ZNF654: variants seen among roughly 807,000 people sequenced by gnomAD.
ZNF654 encodes the protein melanoma-associated antigen.
A neutral mutation model predicts 95.3 loss-of-function variants in ZNF654; 19 were observed. The ratio of observed to expected loss-of-function variants is 0.20; its 90% CI spans 0.14 to 0.29. The LOEUF (loss-of-function observed/expected upper bound fraction) is 0.29. Among genes scored for constraint, ZNF654 ranks in the 10% least tolerant of loss-of-function variants. The pLI, the probability that ZNF654 is intolerant of heterozygous loss-of-function variation, is 1.00. For missense variants in ZNF654, 1,046 were observed against 1,341.0 expected (o/e 0.78, Z 3.44); for synonymous variants, 413 against 457.9 (o/e 0.90, Z 1.25).
intron 1 of ZNF654, among the ~76,000 whole-genome samples, chr3:88,085,430 T>C (rs1023699248): frequency 6.6e-6 from 1 of 152,204 alleles, no homozygotes; most frequent in African/African-American, 2.4e-5. Context: ...AAGTGATTTT[T>C]TTTCCAACCA....
chr3:88,134,963 C>T, intron 6 of ZNF654, 98 bp from the exon 7 acceptor site: 1 of 826,686 alleles, frequency 1.2e-6, no homozygotes, highest in Non-Finnish European at 1.7e-6. Context: ...CACTCATATA[C>T]ATCCCAGCCA....
At chr3:88,080,161 G>C (rs1576223342) in intron 1 of ZNF654, among the ~76,000 whole-genome samples, 2 of 152,048 alleles carry the variant, frequency 1.3e-5, no homozygotes. Context: ...TTGTTTGTCA[G>C]ATGAGCATCG....
intron 4 of ZNF654, among the ~76,000 whole-genome samples, chr3:88,127,274 C>CTAATA (rs903241087): frequency 1.3e-5 from 2 of 151,998 alleles, no homozygotes; most frequent in African/African-American, 4.8e-5. Flanking sequence ...TAGTCACAGG[C>CTAATA]TAAGGGGTTA....
intron 1 of ZNF654, among the ~76,000 whole-genome samples, chr3:88,061,296 G>A (rs1033404364): frequency 6.6e-6 from 1 of 152,062 alleles, no homozygotes; most frequent in African/African-American, 2.4e-5. Flanking sequence ...GACAAATTTA[G>A]CCTGCAAAAC....
intron 3 of ZNF654, among the ~76,000 whole-genome samples, chr3:88,114,344 G>A (rs1705265093): frequency 6.6e-6 from 1 of 152,150 alleles, no homozygotes; most frequent in East Asian, 1.9e-4. Flanking sequence ...CCACTGAAAT[G>A]TTTGGAGTAG....
chr3:88,129,454 G>A (rs560066141), intron 5 of ZNF654, among the ~76,000 whole-genome samples: 2 of 151,580 alleles, frequency 1.3e-5, no homozygotes, highest in Non-Finnish European at 2.9e-5. Context: ...AATATGGATC[G>A]TATGTACCTA....
Position 88,086,344 on chromosome 3 carries a change from A to G in ZNF654, c.274A>G (p.Ser92Gly). The G allele has an allele frequency of 6.5e-7, 1 of 1,535,528 alleles. No homozygotes were observed. The highest frequency in any genetic ancestry group is 1.2e-5 in the South Asian group (1 of 84,036). ...QTALCCFTTASASFPDECEHV... is the reference protein window; with the variant it reads ...QTALCCFTTAGASFPDECEHV... ...TGCCCTTTGTTGTTTTACAACAGCC[A>G]GTGCATCATTCCCAGATGAATGTGA... The change falls in exon 2 of 9, where the codon AGT becomes GGT. Residue 92 changes from serine to glycine, a missense_variant. Ser to Gly is a moderately conservative substitution (Grantham distance 56, BLOSUM62 0). Around this residue, in one of 9 missense-constraint regions of ZNF654, gnomAD observed 91 missense variants for 190.5 expected, o/e 0.48. Transcript: ENST00000636215.
rs1707262533 is a variant in ZNF654 at position 88,144,471 on chromosome 3, A to T, written c.*2819A>T. 1 of 152,406 alleles carries T rather than the reference A, an allele frequency of 6.6e-6. No individual in the cohort carries two copies. Among genetic ancestry groups the T allele is most frequent in the South Asian group, 2.1e-4 (1 of 4,836 alleles). The allele number at this position is 152,406 out of a possible 1,614,324, so 9.4% of individuals were successfully genotyped here. ...TTTTGGAGTTGTTAATATGTGAAAGATATTACAGATTCAGCAAGAAAGGAA... is the reference window on the plus strand; with the variant it reads ...TTTTGGAGTTGTTAATATGTGAAAGTTATTACAGATTCAGCAAGAAAGGAA... On this transcript the variant is annotated 3_prime_UTR_variant, in exon 9 of 9. Transcript: ENST00000636215.
At chr3:88,083,053 C>CTCTTCCTCCCTCT (rs2107651710) in intron 1 of ZNF654, among the ~76,000 whole-genome samples, 1 of 152,024 alleles carries the variant, frequency 6.6e-6, no homozygotes, top group East Asian at 1.9e-4. Context: ...CTCCTCCTCC[C>CTCTTCCTCCCTCT]TCTTCCTCCC....
At chr3:88,086,024 T>C (rs1708320260) in intron 1 of ZNF654, among the ~76,000 whole-genome samples, 1 of 152,200 alleles carries the variant, frequency 6.6e-6, no homozygotes, top group South Asian at 2.1e-4. Context: ...ACATTGGTAG[T>C]TGAATAGTAC....
At chr3:88,106,226 A>G (rs911844588) in intron 2 of ZNF654, among the ~76,000 whole-genome samples, 1 of 152,172 alleles carries the variant, frequency 6.6e-6, no homozygotes, top group African/African-American at 2.4e-5. Flanking sequence ...CTGTCTGATG[A>G]TATGTCAATC....
At chr3:88,064,852 T>C (rs1485638917) in intron 1 of ZNF654, among the ~76,000 whole-genome samples, 1 of 152,246 alleles carries the variant, frequency 6.6e-6, no homozygotes. Context: ...TCAAATTAGT[T>C]TTCTAGCTCA....
chr3:88,138,278 T>C (rs1706920424), intron 7 of ZNF654, among the ~76,000 whole-genome samples: 1 of 152,130 alleles, frequency 6.6e-6, no homozygotes, highest in Non-Finnish European at 1.5e-5. Flanking sequence ...TTTTTAAGCC[T>C]AGTTTATTTC....
intron 1 of ZNF654, among the ~76,000 whole-genome samples, chr3:88,082,604 T>C (rs1708137310): frequency 6.6e-6 from 1 of 152,204 alleles, no homozygotes. Context: ...CTAATAGAAA[T>C]AAAGACATGC....
chr3:88,075,317 A>G (rs1707740974), intron 1 of ZNF654, among the ~76,000 whole-genome samples: 1 of 152,154 alleles, frequency 6.6e-6, no homozygotes, highest in Non-Finnish European at 1.5e-5. Flanking sequence ...CTGCTCTTGC[A>G]TCTGTATTTC....
intron 1 of ZNF654, among the ~76,000 whole-genome samples, chr3:88,076,567 CTGTTTTGTTT>C (rs373817082): frequency 6.6e-5 from 10 of 152,136 alleles, no homozygotes; most frequent in South Asian, 2.1e-4. Flanking sequence ...AGTGCATCAT[CTGTTTTGTTT>C]TGTTTTGTTT....
At chr3:88,088,761 TATGGATGG>T (rs931246026) in intron 2 of ZNF654, among the ~76,000 whole-genome samples, 5 of 126,488 alleles carry the variant, frequency 4.0e-5, no homozygotes, top group African/African-American at 1.5e-4. Flanking sequence ...TGTATGTATG[TATGGATGG>T]ATGGATGGAT....
intron 2 of ZNF654, among the ~76,000 whole-genome samples, chr3:88,111,986 A>G (rs1705117058): frequency 6.6e-6 from 1 of 151,960 alleles, no homozygotes; most frequent in Non-Finnish European, 1.5e-5. Context: ...GTTTTCTACT[A>G]GGTTATTGAC....
intron 1 of ZNF654, among the ~76,000 whole-genome samples, chr3:88,085,905 TC>T (rs1204513608): frequency 2.0e-5 from 3 of 152,324 alleles, no homozygotes; most frequent in African/African-American, 7.2e-5. Flanking sequence ...TTTCTAATTT[TC>T]TTTATTACTA....
Sources: allele counts gnomAD v4.1 joint callset (sites outside exome capture counted in the v4.1 genomes callset), GRCh38; gene constraint gnomAD v4.1.1; regional missense constraint gnomAD v4.1.1; transcripts MANE v1.5; gene names NCBI Gene and HGNC (gene_info 2026-07-23, HGNC 2026-07-21).